Variants in TAFA2 observed in about 807,000 individuals in gnomAD.
TAFA2 encodes chemokine-like protein TAFA-2.
A neutral mutation model predicts 18.8 loss-of-function variants in TAFA2; 7 were observed. The ratio of observed to expected loss-of-function variants is 0.37; its 90% CI spans 0.21 to 0.70. The LOEUF (loss-of-function observed/expected upper bound fraction) is 0.70, where lower values mean the gene tolerates loss of function less well. Among genes scored for constraint, TAFA2 ranks in the 30% least tolerant of loss-of-function variants. The pLI, the probability that TAFA2 is intolerant of heterozygous loss-of-function variation, is 0.53. For synonymous variants in TAFA2, 60 were observed against 54.2 expected (o/e 1.11, Z -0.47); for missense variants, 122 against 158.1 (o/e 0.77, Z 1.23).
chr12:61,749,676 C>G (rs1446769362), intron 4 of TAFA2, among the ~76,000 whole-genome samples: 1 of 151,948 alleles, frequency 6.6e-6, no homozygotes, highest in African/African-American at 2.4e-5. Context: ...TAAATAAATG[C>G]ATAAAGTGAA....
At chr12:61,977,763 C>T (rs1879488398) in intron 1 of TAFA2, among the ~76,000 whole-genome samples, 1 of 152,006 alleles carries the variant, frequency 6.6e-6, no homozygotes, top group South Asian at 2.1e-4. Flanking sequence ...TCTTTCTCAA[C>T]CATAAGATAA....
chr12:61,837,753 A>G (rs766517281), intron 2 of TAFA2, among the ~76,000 whole-genome samples: 7 of 152,014 alleles, frequency 4.6e-5, no homozygotes, highest in Admixed American at 1.3e-4. Flanking sequence ...GGGGTGGGGT[A>G]GGAGTGCGGG....
chr12:62,154,347 A>G (rs889560476), intron 1 of TAFA2, among the ~76,000 whole-genome samples: 1 of 152,154 alleles, frequency 6.6e-6, no homozygotes, highest in Admixed American at 6.5e-5. Flanking sequence ...GAGGAGACAA[A>G]GCTTTCCAGA....
chr12:61,880,486 T>C, intron 1 of TAFA2: 1 of 534,490 alleles, frequency 1.9e-6, no homozygotes. Context: ...ACATCAAGAC[T>C]GCCACCTACA....
chr12:62,237,483 TTTTTGA>T, intron 1 of TAFA2, among the ~76,000 whole-genome samples: 1 of 152,372 alleles, frequency 6.6e-6, no homozygotes, highest in Middle Eastern at 3.4e-3. Context: ...TTAAAACTGC[TTTTTGA>T]TTTCTTGATC....
intron 1 of TAFA2, among the ~76,000 whole-genome samples, chr12:61,914,777 T>G (rs1876752080): frequency 6.6e-6 from 1 of 152,204 alleles, no homozygotes; most frequent in Admixed American, 6.5e-5. Context: ...ATTAGACAGA[T>G]AAGATTTTTA....
At chr12:62,085,982 C>T (rs1024933929) in intron 1 of TAFA2, among the ~76,000 whole-genome samples, 7 of 151,920 alleles carry the variant, frequency 4.6e-5, no homozygotes, top group Admixed American at 4.6e-4. Context: ...CTCCTGCCAC[C>T]ATGTGAAGAA....
chr12:61,851,943 C>T (rs925739859), intron 2 of TAFA2, among the ~76,000 whole-genome samples: 1 of 151,652 alleles, frequency 6.6e-6, no homozygotes, highest in Non-Finnish European at 1.5e-5. Flanking sequence ...CACGGTGGCT[C>T]ACGCCTGTAA....
intron 1 of TAFA2, among the ~76,000 whole-genome samples, chr12:61,943,446 C>T (rs1251912143): frequency 5.4e-5 from 8 of 147,828 alleles, no homozygotes; most frequent in African/African-American, 2.0e-4. Context: ...CAAATTCACA[C>T]ATAACAATAT....
intron 2 of TAFA2, among the ~76,000 whole-genome samples, chr12:61,757,478 A>G (rs938825797): frequency 1.3e-5 from 2 of 152,062 alleles, no homozygotes; most frequent in Non-Finnish European, 2.9e-5. Context: ...GCAGAGATGG[A>G]AATCAAGCAA....
Position 62,150,940 on chromosome 12 carries a change from C to T in TAFA2, c.-2+40319G>A, listed in dbSNP as rs1272899793. 4.0e-5 allele frequency among the ~76,000 whole-genome samples: 6 copies of T among 150,694 alleles called. No homozygotes were observed. The South Asian group carries it at 6.3e-4, about 16-fold the overall frequency. On this transcript the variant is annotated intron_variant, in intron 1 of 4. Coordinates refer to ENST00000416284, the MANE Select transcript of TAFA2 (RefSeq NM_178539.5). ...CATAAGCACTTATCAATGGATGGGG[C>T]TGGGTTACCCATTCCTAGACTGAAA...
At chr12:61,767,180 T>C (rs372456223) in intron 2 of TAFA2, among the ~76,000 whole-genome samples, 13 of 152,300 alleles carry the variant, frequency 8.5e-5, no homozygotes, top group African/African-American at 3.1e-4. Context: ...AGAAGCAATG[T>C]GGCATTGGAC....
intron 1 of TAFA2, among the ~76,000 whole-genome samples, chr12:62,090,499 G>C (rs1441922882): frequency 6.6e-6 from 1 of 152,046 alleles, no homozygotes; most frequent in Non-Finnish European, 1.5e-5. Flanking sequence ...ACTTTGAGTA[G>C]TCTGCTGATT....
chr12:61,947,783 C>A (rs1460821265), intron 1 of TAFA2, among the ~76,000 whole-genome samples: 1 of 152,128 alleles, frequency 6.6e-6, no homozygotes. Context: ...TCTGTGTACC[C>A]TAAAAGACTT....
intron 1 of TAFA2, among the ~76,000 whole-genome samples, chr12:62,254,150 C>T (rs148196039): frequency 1.7e-4 from 26 of 152,206 alleles, no homozygotes; most frequent in Non-Finnish European, 3.5e-4. Context: ...ACTTTGTGAT[C>T]TTATTAATTT....
chr12:61,879,383 C>A, intron 1 of TAFA2: 1 of 750,268 alleles, frequency 1.3e-6, no homozygotes, highest in Non-Finnish European at 2.3e-6. Flanking sequence ...CCTTCAGCAG[C>A]CGCTTCCTAC....
chr12:61,901,719 A>G (rs968542945), intron 1 of TAFA2, among the ~76,000 whole-genome samples: 21 of 152,272 alleles, frequency 1.4e-4, no homozygotes, highest in Middle Eastern at 3.4e-3. Flanking sequence ...CACACTAATC[A>G]AACATTTGGC....
At chr12:61,728,193 A>T (rs141111307) in intron 4 of TAFA2, among the ~76,000 whole-genome samples, 1 of 152,012 alleles carries the variant, frequency 6.6e-6, no homozygotes, top group Non-Finnish European at 1.5e-5. Context: ...TAGAATGTAT[A>T]TTGTGCAGTT....
At chr12:62,159,470 A>G (rs2136928467) in intron 1 of TAFA2, among the ~76,000 whole-genome samples, 1 of 152,326 alleles carries the variant, frequency 6.6e-6, no homozygotes, top group East Asian at 1.9e-4. Flanking sequence ...GAAACATTCT[A>G]AAAGGAACAG....
Sources: gnomAD v4.1 joint callset for allele counts (sites outside exome capture counted in the v4.1 genomes callset) on GRCh38, gnomAD v4.1.1 for gene constraint, MANE v1.5 for transcripts, NCBI Gene and HGNC (gene_info 2026-07-23, HGNC 2026-07-21) for gene names.